The following MCF2L2 variants were observed in gnomAD, a reference collection of about 807,000 sequenced individuals.
MCF2L2 encodes MCF.2 cell line derived transforming sequence-like 2.
MCF2L2 carries 102 observed loss-of-function variants against 150.2 expected under a neutral mutation model. The ratio of observed to expected loss-of-function variants is 0.68; its 90% CI spans 0.58 to 0.80. The LOEUF (loss-of-function observed/expected upper bound fraction) is 0.80. Among genes scored for constraint, MCF2L2 ranks in the 30% least tolerant of loss-of-function variants. The pLI, the probability that MCF2L2 is intolerant of heterozygous loss-of-function variation, is 0.00. For missense variants in MCF2L2, 1,256 were observed against 1,372.8 expected, an observed-to-expected ratio of 0.91 and a Z score of 1.34; for synonymous variants, 465 against 491.3, an observed-to-expected ratio of 0.95 and a Z score of 0.71.
intron 2 of MCF2L2, among the ~76,000 whole-genome samples, chr3:183,387,113 G>T (rs968093451): frequency 4.6e-5 from 7 of 151,840 alleles, no homozygotes; most frequent in Admixed American, 1.3e-4. Flanking sequence ...AAAATTTTGG[G>T]CATGATGGTG....
At chr3:183,238,922 CG>C (rs1560360231) in intron 15 of MCF2L2, among the ~76,000 whole-genome samples, 1 of 139,748 alleles carries the variant, frequency 7.2e-6, no homozygotes, top group African/African-American at 2.7e-5. Context: ...GCGTGGACCC[CG>C]GAGGTGGAGC....
At chr3:183,331,466 T>G (rs1466680648) in intron 5 of MCF2L2, among the ~76,000 whole-genome samples, 1 of 152,242 alleles carries the variant, frequency 6.6e-6, no homozygotes, top group Non-Finnish European at 1.5e-5. Context: ...AAAAATGTCT[T>G]GTTTCTTTTC....
chr3:183,388,760 G>A (rs1713972559), intron 2 of MCF2L2, among the ~76,000 whole-genome samples: 1 of 152,168 alleles, frequency 6.6e-6, no homozygotes. Flanking sequence ...GCTGGGGTGG[G>A]GAGAAATATC....
intron 1 of MCF2L2, among the ~76,000 whole-genome samples, chr3:183,400,882 C>T (rs1714717589): frequency 6.6e-6 from 1 of 152,042 alleles, no homozygotes; most frequent in Non-Finnish European, 1.5e-5. Context: ...TTATTCCAGG[C>T]CACAATTCTA....
At chr3:183,228,679 CA>C (rs1197994570) in intron 17 of MCF2L2, among the ~76,000 whole-genome samples, 2 of 152,130 alleles carry the variant, frequency 1.3e-5, no homozygotes, top group Non-Finnish European at 2.9e-5. Flanking sequence ...TCAGAAGGCA[CA>C]GGGGGTCAGG....
chr3:183,383,210 ATATTTATTTATTTATTTTATT>A (rs1713632557), intron 2 of MCF2L2, among the ~76,000 whole-genome samples: 1 of 121,390 alleles, frequency 8.2e-6, no homozygotes, highest in African/African-American at 4.0e-5. Flanking sequence ...AAGAATTTTT[ATATTTATTTATTTATTTTATT>A]TATTTATTTA....
intron 20 of MCF2L2, among the ~76,000 whole-genome samples, chr3:183,221,347 C>T (rs929579364): frequency 6.6e-6 from 1 of 152,212 alleles, no homozygotes; most frequent in African/African-American, 2.4e-5. Context: ...ATGCTCCCAA[C>T]AAGCATACCA....
At chr3:183,354,506 C>T in intron 3 of MCF2L2, among the ~76,000 whole-genome samples, 1 of 100,944 alleles carries the variant, frequency 9.9e-6, no homozygotes, top group East Asian at 3.3e-4. Context: ...CTTATCTTAA[C>T]CCCCAGCATT....
intron 1 of MCF2L2, among the ~76,000 whole-genome samples, chr3:183,421,109 TCTTTCA>T (rs1715862651): frequency 6.6e-6 from 1 of 152,246 alleles, no homozygotes; most frequent in African/African-American, 2.4e-5. Flanking sequence ...AATTTTCTCA[TCTTTCA>T]CTTTCAGCAT....
intron 8 of MCF2L2, 120 bp downstream of exon 8, chr3:183,311,525 ATTC>A (rs1484328594): frequency 3.0e-5 from 32 of 1,081,854 alleles, no homozygotes; most frequent in Non-Finnish European, 3.7e-5. Flanking sequence ...TGTCTCAAAT[ATTC>A]TTCTTCCTTG....
chr3:183,364,708 C>A (rs1400305457), intron 3 of MCF2L2, among the ~76,000 whole-genome samples: 2 of 151,918 alleles, frequency 1.3e-5, no homozygotes, highest in African/African-American at 2.4e-5. Flanking sequence ...TAAGAAATGG[C>A]AAAAGGAACT....
chr3:183,406,873 C>T (rs115608045), intron 1 of MCF2L2, among the ~76,000 whole-genome samples: 7,671 of 152,186 alleles, frequency 0.05, 321 homozygotes, highest in African/African-American at 0.11. Flanking sequence ...AAAATGTCAA[C>T]GTTACCAAAA....
In MCF2L2 at chr3:183,227,137, GAA is replaced by G. The variant is rs1723372250; in HGVS notation, c.2115+1158_2115+1159del. ...CTTGGGTTCACAAAAATAAAAATAA[GAA>G]AGAGAATGAGAAGGACTAGTTGAGA... On this transcript the variant is annotated intron_variant, in intron 18 of 29. Transcript: ENST00000328913. This position sits in a 1 kb window ranked among gnomAD's most constrained non-coding sequence, Gnocchi z 4.0. The G allele has an allele frequency of 1.3e-5, 2 of 152,164 alleles. No homozygotes were observed. The highest frequency in any genetic ancestry group is 2.4e-5 in the African/African-American group (1 of 41,436). 9.4% of individuals were successfully genotyped at this position (152,164 alleles called of 1,614,324 possible). A position where few individuals can be genotyped will look rare whatever the true frequency, so the allele number is the denominator to read the frequency against.
chr3:183,249,238 G>C (rs79799257), intron 15 of MCF2L2, among the ~76,000 whole-genome samples: 4,970 of 152,266 alleles, frequency 0.033, 248 homozygotes, highest in African/African-American at 0.11. Flanking sequence ...TATGCTTCCG[G>C]GAGTGTGGAG....
chr3:183,214,669 A>G (rs963620152), intron 22 of MCF2L2, among the ~76,000 whole-genome samples: 6 of 152,072 alleles, frequency 3.9e-5, no homozygotes, highest in African/African-American at 1.4e-4. Context: ...AAAACGCAGA[A>G]GAGGGGGTCA....
chr3:183,285,287 A>G (rs1013044860), intron 14 of MCF2L2, among the ~76,000 whole-genome samples: 6 of 152,266 alleles, frequency 3.9e-5, no homozygotes, highest in Non-Finnish European at 5.9e-5. Context: ...GCTATGATTT[A>G]TCACCATTTG....
intron 2 of MCF2L2, 83 bp from the exon 3 acceptor site, chr3:183,379,494 G>T: frequency 4.6e-6 from 4 of 873,948 alleles, no homozygotes; most frequent in Non-Finnish European, 7.3e-6. Context: ...AAAGAATATC[G>T]GTCACCTCTT....
At chr3:183,277,337 C>CA (rs540729678) in intron 14 of MCF2L2, among the ~76,000 whole-genome samples, 13,415 of 105,746 alleles carry the variant, frequency 0.13, 1,590 homozygotes, top group African/African-American at 0.35. Flanking sequence ...ATGCCATATC[C>CA]AAAAAAAAAA....
At chr3:183,342,299 G>A (rs1378215028) in intron 3 of MCF2L2, among the ~76,000 whole-genome samples, 2 of 152,162 alleles carry the variant, frequency 1.3e-5, no homozygotes, top group African/African-American at 4.8e-5. Flanking sequence ...ACAGAGGAAA[G>A]AGCAAGGTCT....
Sources: gnomAD v4.1 joint callset for allele counts (sites outside exome capture counted in the v4.1 genomes callset) on GRCh38, gnomAD v4.1.1 for gene constraint, Gnocchi (gnomAD v3.1) non-coding constraint, MANE v1.5 for transcripts, NCBI Gene and HGNC (gene_info 2026-07-23, HGNC 2026-07-21) for gene names.